ZNF114: variants seen among roughly 807,000 people sequenced by gnomAD.
ZNF114 encodes zinc finger protein 114 (Y18).
ZNF114 carries 8 observed loss-of-function variants against 6.8 expected under a neutral mutation model. The ratio of observed to expected loss-of-function variants is 1.18; its 90% CI spans 0.69 to 2.13. The LOEUF is 2.13. Ranked by LOEUF, ZNF114 falls within the 30% of genes most tolerant of loss-of-function variation. The pLI is 0.00. For missense variants in ZNF114, 472 were observed against 519.5 expected (o/e 0.91, Z 0.89); for synonymous variants, 169 against 185.5 (o/e 0.91, Z 0.72).
Position 48,285,934 on chromosome 19 carries a change from A to G in ZNF114, c.310A>G (p.Asn104Asp). The stretch of plus-strand genomic sequence containing the variant: ...AGAGGAACCACACAGGCAGGGGGTG[A>G]ATAATGTGAAGCCACCTGCAGTTGC... Reference protein sequence around the residue: ...KTEEPHRQGVNNVKPPAVAPE... With the variant: ...KTEEPHRQGVDNVKPPAVAPE... The change falls in exon 6 of 6, where the codon AAT becomes GAT. Residue 104 changes from asparagine to aspartate, a missense_variant. Transcript: ENST00000595607. 1 of 1,614,130 alleles carries G rather than the reference A, an allele frequency of 6.2e-7. No individual in the cohort carries two copies. The highest frequency in any genetic ancestry group is 1.1e-5 in the South Asian group (1 of 91,082).
In ZNF114 at chr19:48,276,879, C is replaced by T. The variant is rs1198069551; in HGVS notation, c.-69-2852C>T. Among the ~76,000 whole-genome samples, 4 of 152,222 alleles carry T rather than the reference C, an allele frequency of 2.6e-5. No individual in the cohort carries two copies. In the East Asian group the frequency reaches 7.7e-4, roughly 29 times the overall value. ...GTCCCAACTAAACATGTAGCTGGGA[C>T]TGGGCGTGGTGGCTCACGCCTGTAA... On this transcript the variant is annotated intron_variant, in intron 3 of 5. Coordinates refer to ENST00000595607, the MANE Select transcript of ZNF114 (RefSeq NM_153608.4).
chr19:48,275,241 G>A (rs573465364), intron 3 of ZNF114, among the ~76,000 whole-genome samples: 1 of 138,632 alleles, frequency 7.2e-6, no homozygotes, highest in South Asian at 2.4e-4. Flanking sequence ...GGAAGGGAGG[G>A]AGGGAGGGAG....
Position 48,270,577 on chromosome 19 carries a change from GAAGA to G in ZNF114, c.-377+371_-377+374del, listed in dbSNP as rs1254247998. Among the ~76,000 whole-genome samples the G allele has an allele frequency of 8.8e-4, 119 of 134,464 alleles. 1 individual carries two copies. Among genetic ancestry groups the G allele is most frequent in the African/African-American group, 2.4e-3 (84 of 35,532 alleles). The allele number at this position is 134,464 out of a possible 152,430, so 88.2% of individuals were successfully genotyped here. A position where few individuals can be genotyped will look rare whatever the true frequency, so the allele number is the denominator to read the frequency against. Reference sequence around the variant, plus strand: ...GGAAGAAAGAGAAAGAAAAAAGAAAGAAGAAAGAAAGAAAGAGAAGAAAGAAGGG... The same window carrying G: ...GGAAGAAAGAGAAAGAAAAAAGAAAGAAGAAAGAAAGAGAAGAAAGAAGGG... On this transcript the variant is annotated intron_variant, in intron 1 of 5. Transcript: ENST00000595607.
chr19:48,275,168 G>C (rs989282681), intron 3 of ZNF114, among the ~76,000 whole-genome samples: 3 of 143,110 alleles, frequency 2.1e-5, no homozygotes, highest in African/African-American at 7.7e-5. Flanking sequence ...GAGAAAGAGA[G>C]AGAGGAAGAG....
chr19:48,277,794 G>GGGGTGTGTGTGTGTGTGTGTGT (rs1330052475), intron 3 of ZNF114, among the ~76,000 whole-genome samples: 2,886 of 119,338 alleles, frequency 0.024, 102 homozygotes, highest in Non-Finnish European at 0.033. Context: ...GGAGGCATTG[G>GGGGTGTGTGTGTGTGTGTGTGT]GTGTGTGTGT....
At chr19:48,279,017 G>A (rs1967921921) in intron 3 of ZNF114, among the ~76,000 whole-genome samples, 2 of 152,094 alleles carry the variant, frequency 1.3e-5, no homozygotes, top group Admixed American at 6.6e-5. Context: ...GACTGCTAAG[G>A]GGGATGGGGT....
In ZNF114 at chr19:48,285,865, T is replaced by C. The variant is rs1365783262; in HGVS notation, c.241T>C (p.Ser81Pro). ...ANRVCLTSIS[S>P]QHSTLREDWR... ...CAGAGTGTGTCTCACGAGCATCAGT[T>C]CCCAGCACTCCACATTAAGAGAAGA... Residue 81 changes from serine (S) to proline (P), a missense_variant, in exon 6 of 6, where the codon TCC (serine) becomes CCC (proline). Transcript: ENST00000595607. 3 of 1,614,048 alleles carry C rather than the reference T, an allele frequency of 1.9e-6. No individual in the cohort carries two copies. The African/African-American group carries it at 4.0e-5, about 22-fold the overall frequency.
chr19:48,274,502 ATATATTTTTTTT>A (rs1425226291), intron 3 of ZNF114, among the ~76,000 whole-genome samples: 127 of 17,816 alleles, frequency 7.1e-3, no homozygotes, highest in African/African-American at 0.013. Context: ...ATATATATAT[ATATATTTTTTTT>A]TTTTTTTTTG....
At chr19:48,280,645 C>A (rs1318937448) in intron 4 of ZNF114, among the ~76,000 whole-genome samples, 1 of 151,406 alleles carries the variant, frequency 6.6e-6, no homozygotes, top group Non-Finnish European at 1.5e-5. Context: ...CTCCGCCTTC[C>A]AGGTTCAAGT....
intron 5 of ZNF114, among the ~76,000 whole-genome samples, chr19:48,283,526 AT>A (rs1222866173): frequency 6.6e-6 from 1 of 152,142 alleles, no homozygotes; most frequent in African/African-American, 2.4e-5. Flanking sequence ...TTGTCCAGGC[AT>A]TTATGCATCT....
At chr19:48,282,194 G>T in intron 4 of ZNF114, 177 bp from the exon 5 acceptor site, 1 of 808,984 alleles carries the variant, frequency 1.2e-6, no homozygotes. Flanking sequence ...CACCGCGCCC[G>T]GCCACAACCT....
intron 3 of ZNF114, among the ~76,000 whole-genome samples, chr19:48,278,897 C>T (rs572839202): frequency 1.1e-4 from 16 of 151,858 alleles, no homozygotes; most frequent in Admixed American, 2.6e-4. Context: ...GAGCTGAGAT[C>T]GTGCTACTGC....
Position 48,286,348 on chromosome 19 carries a change from C to A in ZNF114, c.724C>A (p.His242Asn). ...CGGATCCCTTAGGGCACACAACACT[C>A]ATGGTCGAGAGAAAATGTATGATTT... ...EDGSLRAHNT[H>N]GREKMYDFTQ... is the part of the protein sequence containing the mutation. The change falls in exon 6 of 6, where the codon CAT (histidine) becomes AAT (asparagine). Residue 242 changes from histidine to asparagine, a missense_variant. By Grantham distance (68) the His-to-Asn change is moderately conservative. Transcript: ENST00000595607. 6.2e-7 allele frequency: 1 copy of A among 1,614,200 alleles called. No homozygotes were observed. The highest frequency in any genetic ancestry group is 1.1e-5 in the South Asian group (1 of 91,074).
intron 3 of ZNF114, among the ~76,000 whole-genome samples, chr19:48,275,267 A>G (rs1173186780): frequency 1.5e-5 from 2 of 129,246 alleles, no homozygotes; most frequent in Non-Finnish European, 3.3e-5. Flanking sequence ...AAGAGAGAGG[A>G]AGGGAGGGAG....
intron 3 of ZNF114, among the ~76,000 whole-genome samples, chr19:48,278,781 A>C (rs991060817): frequency 6.6e-6 from 1 of 152,114 alleles, no homozygotes; most frequent in African/African-American, 2.4e-5. Context: ...ATCTCTACTA[A>C]AAGTACAAAA....
intron 5 of ZNF114, among the ~76,000 whole-genome samples, chr19:48,284,452 A>G (rs1968067630): frequency 6.6e-6 from 1 of 152,004 alleles, no homozygotes; most frequent in Non-Finnish European, 1.5e-5. Context: ...AAAGAAAGAA[A>G]AAAACAGGCA....
chr19:48,273,796 C>T (rs1466105267), intron 3 of ZNF114, among the ~76,000 whole-genome samples: 4 of 140,230 alleles, frequency 2.9e-5, no homozygotes, highest in African/African-American at 5.3e-5. Context: ...CTCGCTCTGT[C>T]GCCCAGGCTG....
At chr19:48,272,701 A>AAAAAAAATT in intron 3 of ZNF114, among the ~76,000 whole-genome samples, 1 of 129,810 alleles carries the variant, frequency 7.7e-6, no homozygotes, top group Non-Finnish European at 1.6e-5. Flanking sequence ...AAAAAAAAGT[A>AAAAAAAATT]TTGGATTGGA....
chr19:48,271,699 G>C (rs1054438567), intron 2 of ZNF114, 28 bp from the exon 3 acceptor site: 5 of 152,364 alleles, frequency 3.3e-5, no homozygotes, highest in African/African-American at 1.2e-4. Flanking sequence ...CTTCCTGGCG[G>C]CCTCGTTAGG....
Sources: allele counts gnomAD v4.1 joint callset (sites outside exome capture counted in the v4.1 genomes callset), GRCh38; gene constraint gnomAD v4.1.1; transcripts MANE v1.5; gene names NCBI Gene and HGNC (gene_info 2026-07-23, HGNC 2026-07-21).